Variants in DENND1A observed in about 807,000 individuals in gnomAD.
DENND1A encodes the protein DENN domain containing 1A.
In DENND1A, 51 loss-of-function variants were observed where a neutral mutation model predicts 113.7. The ratio of observed to expected loss-of-function variants is 0.45; its 90% CI spans 0.36 to 0.57. DENND1A has a LOEUF of 0.57. Ranked by LOEUF, DENND1A falls within the 20% of genes least tolerant of loss-of-function variation. The pLI is 0.00. For synonymous variants in DENND1A, 565 were observed against 570.8 expected, an observed-to-expected ratio of 0.99 and a Z score of 0.14; for missense variants, 1,258 against 1,395.9, an observed-to-expected ratio of 0.90 and a Z score of 1.57.
chr9:123,395,468 C>CTCTCTGTGTATGTGTG lies in DENND1A; in HGVS notation c.1632-7611_1632-7610insCACACATACACAGAGA, dbSNP rs367751848. Reference sequence around the variant, plus strand: ...AGGGCCCAGAATCTACTCTCTCTCTCTGTGTGTGTGTGTGTGTGTGTGTGT... The same window carrying CTCTCTGTGTATGTGTG: ...AGGGCCCAGAATCTACTCTCTCTCTCTCTCTGTGTATGTGTGTGTGTGTGTGTGTGTGTGTGTGTGT... On this transcript the variant is annotated intron_variant, in intron 21 of 23. Transcript: ENST00000394215. Among the ~76,000 whole-genome samples the CTCTCTGTGTATGTGTG allele has an allele frequency of 5.2e-3, 743 of 142,982 alleles. 2 individuals are homozygous for CTCTCTGTGTATGTGTG. Among genetic ancestry groups the CTCTCTGTGTATGTGTG allele is most frequent in the African/African-American group, 0.019 (687 of 36,820 alleles). The allele number at this position is 142,982 out of a possible 152,430, so 93.8% of individuals were successfully genotyped here. A position where few individuals can be genotyped will look rare whatever the true frequency, so the allele number is the denominator to read the frequency against.
chr9:123,901,839 C>T (rs1230725450), intron 1 of DENND1A, among the ~76,000 whole-genome samples: 2 of 151,918 alleles, frequency 1.3e-5, no homozygotes, highest in Admixed American at 6.6e-5. Flanking sequence ...TTCATCTCTG[C>T]TAAAAATACA....
intron 1 of DENND1A, among the ~76,000 whole-genome samples, chr9:123,882,225 G>A (rs532557379): frequency 1.3e-5 from 2 of 151,822 alleles, no homozygotes; most frequent in Non-Finnish European, 2.9e-5. Flanking sequence ...GGCCAGGCAT[G>A]GTGGGGGATG....
intron 4 of DENND1A, among the ~76,000 whole-genome samples, chr9:123,762,715 T>C (rs2071142123): frequency 6.6e-6 from 1 of 152,212 alleles, no homozygotes; most frequent in Non-Finnish European, 1.5e-5. Flanking sequence ...AACATACAGC[T>C]TGTAATAGTG....
At chr9:123,524,751 G>T (rs1365749631) in intron 13 of DENND1A, among the ~76,000 whole-genome samples, 1 of 152,214 alleles carries the variant, frequency 6.6e-6, no homozygotes, top group East Asian at 1.9e-4. Flanking sequence ...TCTTTCAAGA[G>T]GGGGTCACTG....
chr9:123,735,156 A>C (rs1288239667), intron 5 of DENND1A, among the ~76,000 whole-genome samples: 1 of 152,158 alleles, frequency 6.6e-6, no homozygotes, highest in Non-Finnish European at 1.5e-5. Context: ...AGGCTCAGTG[A>C]ACTTCCCAAT....
At chr9:123,498,510 T>C (rs1023625879) in intron 13 of DENND1A, among the ~76,000 whole-genome samples, 5 of 152,254 alleles carry the variant, frequency 3.3e-5, no homozygotes, top group African/African-American at 1.2e-4. Flanking sequence ...AAGCCCATTC[T>C]TTTACTCTGT....
intron 2 of DENND1A, among the ~76,000 whole-genome samples, chr9:123,869,249 G>A (rs1175944887): frequency 1.3e-5 from 2 of 152,140 alleles, no homozygotes; most frequent in Admixed American, 6.5e-5. Flanking sequence ...CCTAATGTAT[G>A]CCAGGCACTC....
intron 11 of DENND1A, among the ~76,000 whole-genome samples, chr9:123,592,828 G>C (rs759119026): frequency 6.6e-6 from 1 of 152,076 alleles, no homozygotes; most frequent in Non-Finnish European, 1.5e-5. Flanking sequence ...TAGGATGGGT[G>C]CATCTTTCCC....
chr9:123,750,218 T>C (rs1045157210), intron 5 of DENND1A, among the ~76,000 whole-genome samples: 2 of 152,340 alleles, frequency 1.3e-5, no homozygotes, highest in East Asian at 1.9e-4. Flanking sequence ...CTTTCTTCTC[T>C]TCAAAGGTGA....
intron 9 of DENND1A, among the ~76,000 whole-genome samples, chr9:123,647,996 A>G (rs1269346049): frequency 1.3e-5 from 2 of 152,200 alleles, no homozygotes; most frequent in Non-Finnish European, 2.9e-5. Flanking sequence ...AATAGTAGTA[A>G]ATGACATTCT....
At chr9:123,765,163 C>A (rs896738158) in intron 4 of DENND1A, among the ~76,000 whole-genome samples, 1 of 152,028 alleles carries the variant, frequency 6.6e-6, no homozygotes, top group African/African-American at 2.4e-5. Context: ...TGAAATAAAA[C>A]CGTTTGTTAG....
chr9:123,762,833 T>C (rs547427793), intron 4 of DENND1A, among the ~76,000 whole-genome samples: 2 of 152,282 alleles, frequency 1.3e-5, no homozygotes, highest in South Asian at 2.1e-4. Context: ...GGCAACAATA[T>C]TGACCAAAGG....
chr9:123,730,291 CA>C (rs2068062810), intron 5 of DENND1A, among the ~76,000 whole-genome samples: 1 of 152,038 alleles, frequency 6.6e-6, no homozygotes, highest in South Asian at 2.1e-4. Flanking sequence ...TTCTGCACAG[CA>C]AAAGAGACTA....
At chr9:123,401,627 T>C in intron 21 of DENND1A, 1 of 1,438,492 alleles carries the variant, frequency 7.0e-7, no homozygotes, top group Non-Finnish European at 9.1e-7. Context: ...CCCAAATATT[T>C]TCCAACAGAA....
At chr9:123,519,295 C>T (rs898847877) in intron 13 of DENND1A, among the ~76,000 whole-genome samples, 1 of 152,208 alleles carries the variant, frequency 6.6e-6, no homozygotes, top group Admixed American at 6.5e-5. Context: ...TCTCCAGTCA[C>T]TATTGTTGGC....
intron 13 of DENND1A, among the ~76,000 whole-genome samples, chr9:123,527,640 C>A (rs1457226396): frequency 6.6e-6 from 1 of 152,128 alleles, no homozygotes; most frequent in African/African-American, 2.4e-5. Context: ...TCTCCCGCAC[C>A]CATCTGGAGG....
At chr9:123,563,583 A>C (rs2057885343) in intron 12 of DENND1A, among the ~76,000 whole-genome samples, 1 of 152,172 alleles carries the variant, frequency 6.6e-6, no homozygotes, top group African/African-American at 2.4e-5. Flanking sequence ...TTTTTAGTTT[A>C]GATTCATCTT....
At chr9:123,911,220 T>C (rs1411503389) in intron 1 of DENND1A, among the ~76,000 whole-genome samples, 1 of 152,086 alleles carries the variant, frequency 6.6e-6, no homozygotes, top group African/African-American at 2.4e-5. Flanking sequence ...AAAACCACAA[T>C]GAGCTACGAA....
intron 6 of DENND1A, 34 bp from the exon 7 acceptor site, chr9:123,671,405 A>G (rs1264316593): frequency 6.2e-7 from 1 of 1,609,808 alleles, no homozygotes; most frequent in Admixed American, 1.7e-5. Context: ...TAACAAAAGC[A>G]AGGCTGAGCC....
Sources: allele counts gnomAD v4.1 joint callset (sites outside exome capture counted in the v4.1 genomes callset), GRCh38; gene constraint gnomAD v4.1.1; transcripts MANE v1.5; gene names NCBI Gene and HGNC (gene_info 2026-07-23, HGNC 2026-07-21).